Variants in CSTA observed in about 807,000 individuals in gnomAD.
CSTA encodes cystatin-A.
In CSTA, 9 loss-of-function variants were observed where a neutral mutation model predicts 9.2. The observed-to-expected ratio is 0.97, with a 90% CI of 0.59 to 1.70. The LOEUF (loss-of-function observed/expected upper bound fraction) is 1.70, where lower values mean the gene tolerates loss of function less well. Among genes scored for constraint, CSTA ranks in the 40% most tolerant of loss-of-function variants. The pLI is 0.00. For synonymous variants in CSTA, 36 were observed against 40.6 expected (o/e 0.89, Z 0.43); for missense variants, 118 against 113.1 (o/e 1.04, Z -0.20).
intron 2 of CSTA, among the ~76,000 whole-genome samples, chr3:122,340,702 C>A (rs979510480): frequency 2.6e-5 from 4 of 152,182 alleles, no homozygotes; most frequent in African/African-American, 9.7e-5. Flanking sequence ...GGTATGGGAA[C>A]CCTGCATCCC....
Position 122,337,803 on chromosome 3 carries a change from G to C in CSTA, c.168+155G>C, listed in dbSNP as rs931715895. Reference sequence around the variant, plus strand: ...TTCCAAGTGGTGGACTCTCAAATTTGGTAGATGATGTGACACCATTTTTTT... The same window carrying C: ...TTCCAAGTGGTGGACTCTCAAATTTCGTAGATGATGTGACACCATTTTTTT... On this transcript the variant is annotated intron_variant, in intron 2 of 2. Coordinates refer to ENST00000264474, the MANE Select transcript of CSTA (RefSeq NM_005213.4). 1.9e-5 allele frequency: 13 copies of C among 683,088 alleles called. No individual in the cohort carries two copies. In the East Asian group the frequency reaches 2.8e-4, roughly 15 times the overall value. 42.3% of individuals were successfully genotyped at this position (683,088 alleles called of 1,614,324 possible).
At chr3:122,326,991 G>T (rs961527010) in intron 1 of CSTA, among the ~76,000 whole-genome samples, 2 of 152,140 alleles carry the variant, frequency 1.3e-5, no homozygotes, top group Non-Finnish European at 2.9e-5. Flanking sequence ...TGTAATCCCA[G>T]CACTTTGGGA....
chr3:122,330,808 C>T (rs955984035), intron 1 of CSTA, among the ~76,000 whole-genome samples: 3 of 152,068 alleles, frequency 2.0e-5, no homozygotes, highest in African/African-American at 7.3e-5. Context: ...AAAATAGTGC[C>T]TGCCCTTTGG....
At chr3:122,336,418 G>C in intron 1 of CSTA, among the ~76,000 whole-genome samples, 1 of 152,100 alleles carries the variant, frequency 6.6e-6, no homozygotes, top group East Asian at 1.9e-4. Context: ...ACAAAATAGA[G>C]TAATGAATTG....
chr3:122,331,857 T>C (rs1443751904), intron 1 of CSTA, among the ~76,000 whole-genome samples: 3 of 152,150 alleles, frequency 2.0e-5, no homozygotes, highest in South Asian at 4.1e-4. Context: ...CCCAACCTTT[T>C]TGGTACCTTT....
intron 1 of CSTA, among the ~76,000 whole-genome samples, chr3:122,331,298 C>A (rs150205927): frequency 6.6e-6 from 1 of 152,262 alleles, no homozygotes; most frequent in Non-Finnish European, 1.5e-5. Flanking sequence ...ACCCCATCCA[C>A]AAATTTGCAT....
intron 2 of CSTA, 151 bp downstream of exon 2, chr3:122,337,799 A>G: frequency 2.9e-6 from 2 of 697,754 alleles, no homozygotes; most frequent in Non-Finnish European, 5.2e-6. Context: ...GGACTCTCAA[A>G]TTTGGTAGAT....
At position 122,337,509 on chromosome 3, in the gene CSTA, T is replaced by C. The variant is rs761195411; in HGVS notation, c.67-38T>C. The C allele has an allele frequency of 4.3e-5, 61 of 1,435,088 alleles. No homozygotes were observed. The Middle Eastern group carries it at 1.7e-3, about 40-fold the overall frequency. The allele number at this position is 1,435,088 out of a possible 1,614,324, so 88.9% of individuals were successfully genotyped here. A position where few individuals can be genotyped will look rare whatever the true frequency, so the allele number is the denominator to read the frequency against. ...TACATTGCATACATGGAGTCTAATATAGCTTTGATTATTTGTTTCCTCTTT... is the reference window on the plus strand; with the variant it reads ...TACATTGCATACATGGAGTCTAATACAGCTTTGATTATTTGTTTCCTCTTT... On this transcript the variant is annotated intron_variant, in intron 1 of 2. Transcript: ENST00000264474.
At chr3:122,338,067 C>T (rs776956913) in intron 2 of CSTA, 11 of 159,090 alleles carry the variant, frequency 6.9e-5, no homozygotes, top group Admixed American at 4.4e-4. Flanking sequence ...ATTAAAGTAA[C>T]GACTCAAATC....
Position 122,341,655 on chromosome 3 carries a change from T to C in CSTA, c.*88T>C, listed in dbSNP as rs2075266705. ...AAATATAACCATCAATAAAGAAGCATTCTTTTCCAAAGAAATTATTTCTTC... is the reference window on the plus strand; with the variant it reads ...AAATATAACCATCAATAAAGAAGCACTCTTTTCCAAAGAAATTATTTCTTC... On this transcript the variant is annotated 3_prime_UTR_variant, in exon 3 of 3. Transcript: ENST00000264474. The C allele has an allele frequency of 1.4e-6, 2 of 1,471,432 alleles. No individual in the cohort carries two copies. Among genetic ancestry groups the C allele is most frequent in the African/African-American group, 2.8e-5 (2 of 71,398 alleles). The allele number at this position is 1,471,432 out of a possible 1,614,324, so 91.1% of individuals were successfully genotyped here.
chr3:122,325,354 A>G lies in CSTA; in HGVS notation c.62A>G (p.Asp21Gly). The G allele has an allele frequency of 6.2e-7, 1 of 1,614,168 alleles. No homozygotes were observed. The change falls in exon 1 of 3, where the codon GAT becomes GGT. Residue 21 changes from aspartate (D) to glycine (G), a missense_variant. Asp to Gly is a moderately conservative substitution (Grantham distance 94). Transcript: ENST00000264474. ...PATPEIQEIV[D>G]KVKPQLEEKT... ...ACTCCAGAAATCCAGGAGATTGTTG[A>G]TAAGGTGAGTTGATGCCATTCAGGA...
At chr3:122,331,561 C>T (rs753772355) in intron 1 of CSTA, among the ~76,000 whole-genome samples, 10 of 152,166 alleles carry the variant, frequency 6.6e-5, no homozygotes, top group Admixed American at 2.0e-4. Flanking sequence ...TTAAAGGTCA[C>T]ACCCACTGCC....
chr3:122,327,267 C>T (rs1286092552), intron 1 of CSTA, among the ~76,000 whole-genome samples: 3 of 148,242 alleles, frequency 2.0e-5, no homozygotes, highest in South Asian at 2.2e-4. Flanking sequence ...CAGTGGCTCA[C>T]ACCTGTAATC....
intron 1 of CSTA, among the ~76,000 whole-genome samples, chr3:122,327,866 G>A (rs978565294): frequency 1.2e-4 from 18 of 152,028 alleles, no homozygotes; most frequent in African/African-American, 4.1e-4. Flanking sequence ...TCTATCACTC[G>A]ATTAGCAAGA....
intron 2 of CSTA, 73 bp downstream of exon 2, chr3:122,337,721 C>T: frequency 9.9e-7 from 1 of 1,007,844 alleles, no homozygotes. Context: ...CCTGATTTCC[C>T]TACCACATAA....
intron 1 of CSTA, among the ~76,000 whole-genome samples, chr3:122,329,209 A>G (rs1222233251): frequency 2.0e-5 from 3 of 151,414 alleles, no homozygotes; most frequent in Non-Finnish European, 4.4e-5. Context: ...CTCATGATCC[A>G]CCCGCCTTGG....
chr3:122,335,789 G>A (rs1295212832), intron 1 of CSTA, among the ~76,000 whole-genome samples: 7 of 151,742 alleles, frequency 4.6e-5, no homozygotes, highest in African/African-American at 7.3e-5. Context: ...CCACCATTGC[G>A]CCCAGCTAAT....
intron 1 of CSTA, among the ~76,000 whole-genome samples, chr3:122,333,580 AAAGAAAGAAAG>A (rs2075218269): frequency 6.9e-6 from 1 of 144,062 alleles, no homozygotes; most frequent in African/African-American, 2.7e-5. Flanking sequence ...AGAAAGAAAG[AAAGAAAGAAAG>A]AAGAAAGAGA....
At chr3:122,332,714 C>T (rs975379875) in intron 1 of CSTA, among the ~76,000 whole-genome samples, 10 of 152,154 alleles carry the variant, frequency 6.6e-5, no homozygotes, top group Non-Finnish European at 1.0e-4. Context: ...GGAGACCAAG[C>T]GACAAACCTC....
Sources: allele counts gnomAD v4.1 joint callset (sites outside exome capture counted in the v4.1 genomes callset), GRCh38; gene constraint gnomAD v4.1.1; transcripts MANE v1.5; gene names NCBI Gene and HGNC (gene_info 2026-07-23, HGNC 2026-07-21).